The following SVIL variants were observed in gnomAD, a reference collection of about 807,000 sequenced individuals.
The protein encoded by SVIL is archvillin.
In SVIL, 101 loss-of-function variants were observed where a neutral mutation model predicts 240.4. That is an observed-to-expected ratio of 0.42 (90% CI 0.36 to 0.50). The LOEUF (loss-of-function observed/expected upper bound fraction) is 0.50, where lower values mean the gene tolerates loss of function less well. SVIL is among the 20% of genes least tolerant of loss of function. The pLI is 0.01. For missense variants in SVIL, 2,512 were observed against 2,818.7 expected, an observed-to-expected ratio of 0.89 and a Z score of 2.46; for synonymous variants, 999 against 1,100.0, an observed-to-expected ratio of 0.91 and a Z score of 1.82.
chr10:29,635,706 C>T (rs955170795), upstream of SVIL, among the ~76,000 whole-genome samples: 1 of 152,196 alleles, frequency 6.6e-6, no homozygotes, highest in South Asian at 2.1e-4. Context: ...TGAATACACT[C>T]AAACAAATAT....
At chr10:29,483,869 C>A (rs1947137379) in intron 27 of SVIL, 1 of 152,118 alleles carries the variant, frequency 6.6e-6, no homozygotes, top group East Asian at 1.9e-4. Context: ...AATTCATAGA[C>A]CAATTCAATG....
At chr10:29,661,501 T>C (rs1338316018) in intron 2 of SVIL, among the ~76,000 whole-genome samples, 1 of 152,156 alleles carries the variant, frequency 6.6e-6, no homozygotes, top group Non-Finnish European at 1.5e-5. Flanking sequence ...AGATGCTAGC[T>C]AAGCTGGAGC....
rs186430611 is a variant in SVIL, at chr10:29,605,018, T to G, written c.-201+29402A>C. On this transcript the variant is annotated intron_variant, in intron 1 of 37. Coordinates refer to ENST00000355867, the MANE Select transcript of SVIL (RefSeq NM_021738.3). ...CAGGATAAGGGCGGGAATACTGTTA[T>G]TTGTTTCTTGTTTGTCCTTATGGAG... 6.8e-4 allele frequency among the ~76,000 whole-genome samples: 103 copies of G among 152,300 alleles called. No individual in the cohort carries two copies. The South Asian group carries it at 6.8e-3, about 10-fold the overall frequency.
chr10:29,552,905 A>T (rs1953509037), intron 5 of SVIL, among the ~76,000 whole-genome samples: 1 of 152,146 alleles, frequency 6.6e-6, no homozygotes. Flanking sequence ...TATACTACAC[A>T]GATTACCATT....
At chr10:29,657,294 G>A (rs1366846625) in intron 3 of SVIL, among the ~76,000 whole-genome samples, 1 of 152,156 alleles carries the variant, frequency 6.6e-6, no homozygotes, top group Non-Finnish European at 1.5e-5. Flanking sequence ...ATGGAACACT[G>A]GTCTTAAGAT....
intron 3 of SVIL, among the ~76,000 whole-genome samples, chr10:29,640,828 T>G (rs1056222155): frequency 1.6e-4 from 24 of 152,276 alleles, no homozygotes; most frequent in Admixed American, 1.4e-3. Context: ...CAAACTTCAC[T>G]TCCACCTCTC....
At chr10:29,583,712 T>G (rs528625252) in intron 1 of SVIL, among the ~76,000 whole-genome samples, 15 of 152,204 alleles carry the variant, frequency 9.9e-5, no homozygotes, top group Non-Finnish European at 2.2e-4. Context: ...TATTTCACAC[T>G]TTCATGATTG....
At chr10:29,463,441 AG>A (rs1011180568) in intron 35 of SVIL, 50 bp downstream of exon 35, 2 of 1,584,248 alleles carry the variant, frequency 1.3e-6, no homozygotes, top group Non-Finnish European at 1.7e-6. Context: ...CGCATGCCTG[AG>A]GGGCTTCCCC....
intron 1 of SVIL, among the ~76,000 whole-genome samples, chr10:29,719,869 G>C (rs751697358): frequency 2.6e-5 from 4 of 152,172 alleles, no homozygotes; most frequent in Non-Finnish European, 5.9e-5. Context: ...GATTCCACAT[G>C]GGGGGCACAG....
intron 29 of SVIL, among the ~76,000 whole-genome samples, chr10:29,474,618 T>C (rs915530008): frequency 6.7e-6 from 1 of 150,210 alleles, no homozygotes; most frequent in Middle Eastern, 3.4e-3. Flanking sequence ...AATAAATAAA[T>C]AAATAAATAA....
At chr10:29,655,366 G>A (rs1041598331) in intron 3 of SVIL, among the ~76,000 whole-genome samples, 2 of 152,146 alleles carry the variant, frequency 1.3e-5, no homozygotes, top group African/African-American at 2.4e-5. Flanking sequence ...AAAGGCCGAA[G>A]AACCTGGAAT....
intron 3 of SVIL, among the ~76,000 whole-genome samples, chr10:29,652,864 T>C (rs2133015502): frequency 6.6e-6 from 1 of 152,344 alleles, no homozygotes; most frequent in South Asian, 2.1e-4. Context: ...ATTCCAATCC[T>C]TTGCCCTTTT....
intron 17 of SVIL, among the ~76,000 whole-genome samples, chr10:29,511,933 G>C (rs183662075): frequency 6.6e-6 from 1 of 152,312 alleles, no homozygotes; most frequent in African/African-American, 2.4e-5. Context: ...AGGGGCCTGG[G>C]GATCATCGGG....
At chr10:29,641,517 G>A (rs1264223292) in intron 3 of SVIL, among the ~76,000 whole-genome samples, 1 of 152,006 alleles carries the variant, frequency 6.6e-6, no homozygotes, top group Non-Finnish European at 1.5e-5. Flanking sequence ...TCAATGAGCC[G>A]AGATCGCGCC....
At chr10:29,526,500 T>C (rs1950929280) in intron 13 of SVIL, among the ~76,000 whole-genome samples, 1 of 152,126 alleles carries the variant, frequency 6.6e-6, no homozygotes, top group Non-Finnish European at 1.5e-5. Flanking sequence ...AGACAGGGTT[T>C]CACCATGTTG....
chr10:29,621,437 G>A (rs562394522), intron 1 of SVIL, among the ~76,000 whole-genome samples: 25 of 152,364 alleles, frequency 1.6e-4, no homozygotes, highest in African/African-American at 5.8e-4. Context: ...CACAGCAGGG[G>A]TCCCACCATG....
intron 17 of SVIL, among the ~76,000 whole-genome samples, chr10:29,504,218 TA>T: frequency 6.6e-6 from 1 of 152,280 alleles, no homozygotes; most frequent in East Asian, 1.9e-4. Flanking sequence ...AGCCTAACTG[TA>T]AAAATTAAAA....
At chr10:29,469,592 C>T (rs1038785403) in intron 32 of SVIL, among the ~76,000 whole-genome samples, 3 of 152,116 alleles carry the variant, frequency 2.0e-5, no homozygotes, top group South Asian at 4.2e-4. Context: ...ACCACCTTAC[C>T]GGGGGGGCCG....
Position 29,551,053 on chromosome 10 carries a change from A to T in SVIL, c.371T>A (p.Leu124Gln). 1 of 1,614,178 alleles carries T rather than the reference A, an allele frequency of 6.2e-7. No individual in the cohort carries two copies. Among genetic ancestry groups the T allele is most frequent in the Non-Finnish European group, 8.5e-7 (1 of 1,180,036 alleles). ...RQLAEKYGLT[L>Q]DPEADSEYLS... ...ATACTCGGAGTCGGCCTCGGGATCC[A>T]GAGTCAGCCCATACTTCTCTGCCAG... The change falls in exon 6 of 38, where the codon CTG becomes CAG. Residue 124 changes from leucine to glutamine, a missense_variant. Leu to Gln is a moderately radical substitution (Grantham distance 113). Around this residue, in one of 3 missense-constraint regions of SVIL, gnomAD observed 1,443 missense variants for 1,486.6 expected, o/e 0.97. Transcript: ENST00000355867.
Sources: allele counts gnomAD v4.1 joint callset (sites outside exome capture counted in the v4.1 genomes callset), GRCh38; gene constraint gnomAD v4.1.1; regional missense constraint gnomAD v4.1.1; transcripts MANE v1.5; gene names NCBI Gene and HGNC (gene_info 2026-07-23, HGNC 2026-07-21).